The following PSMD11 variants were observed in gnomAD, a reference collection of about 807,000 sequenced individuals.
PSMD11 encodes 26S proteasome non-ATPase regulatory subunit 11.
A neutral mutation model predicts 62.3 loss-of-function variants in PSMD11; 5 were observed. That is an observed-to-expected ratio of 0.08 (90% CI 0.04 to 0.17). PSMD11 has a LOEUF of 0.17. Among genes scored for constraint, PSMD11 ranks in the 10% least tolerant of loss-of-function variants. The pLI is 1.00. For missense variants in PSMD11, 310 were observed against 512.9 expected, an observed-to-expected ratio of 0.60 and a Z score of 3.82; for synonymous variants, 191 against 191.8, an observed-to-expected ratio of 1.00 and a Z score of 0.03.
chr17:32,459,099 CAAAAAAA>C (rs1250016169), intron 3 of PSMD11, among the ~76,000 whole-genome samples: 3 of 61,226 alleles, frequency 4.9e-5, no homozygotes, highest in African/African-American at 1.8e-4. Context: ...GAGAGTGTCT[CAAAAAAA>C]AAAAAATACA....
At chr17:32,455,797 A>G (rs1907631790) in intron 3 of PSMD11, among the ~76,000 whole-genome samples, 1 of 152,198 alleles carries the variant, frequency 6.6e-6, no homozygotes, top group African/African-American at 2.4e-5. Context: ...GAAAAAATTA[A>G]AAGTTATTTA....
rs768709789 is a variant in PSMD11, at chr17:32,444,542, G to T, written c.19G>T (p.Val7Leu). ...CGGTAAGATGGCGGCGGCGGCGGTG[G>T]TGGAGTTCCAGAGAGCCCAGTCTCT... MAAAAV[V>L]EFQRAQSLLS... is the part of the protein sequence containing the mutation. The change falls in exon 1 of 14, where the codon GTG becomes TTG. Residue 7 changes from valine to leucine, a missense_variant. Physicochemically the swap from Val to Leu is conservative, Grantham distance 32 (BLOSUM62 1). Around this residue, in one of 6 missense-constraint regions of PSMD11, gnomAD observed 28 missense variants for 21.2 expected, o/e 1.32. Coordinates refer to ENST00000261712, the MANE Select transcript of PSMD11 (RefSeq NM_002815.4). 1.2e-6 allele frequency: 2 copies of T among 1,607,494 alleles called. No homozygotes were observed. The highest frequency in any genetic ancestry group is 3.4e-5 in the Admixed American group (2 of 59,388).
chr17:32,445,610 G>T (rs1353412712), intron 1 of PSMD11: 1 of 152,194 alleles, frequency 6.6e-6, no homozygotes, highest in Non-Finnish European at 1.5e-5. Context: ...TTAGGGCTTG[G>T]ACTAGCTCTT....
At chr17:32,475,733 G>A (rs1224329787) in intron 8 of PSMD11, among the ~76,000 whole-genome samples, 2 of 151,690 alleles carry the variant, frequency 1.3e-5, no homozygotes, top group Non-Finnish European at 2.9e-5. Flanking sequence ...CGAGTAGCTG[G>A]GATTACAGGC....
intron 3 of PSMD11, among the ~76,000 whole-genome samples, chr17:32,455,881 C>T (rs971544180): frequency 1.5e-4 from 23 of 152,166 alleles, no homozygotes; most frequent in Admixed American, 1.0e-3. Context: ...CGGTGGCTCA[C>T]GCCTGTAATC....
intron 2 of PSMD11, among the ~76,000 whole-genome samples, chr17:32,450,241 A>G (rs1329444872): frequency 2.0e-5 from 3 of 149,590 alleles, no homozygotes; most frequent in African/African-American, 7.4e-5. Context: ...GATTATAGGC[A>G]TGAGCCACTG....
intron 3 of PSMD11, among the ~76,000 whole-genome samples, chr17:32,455,031 C>T (rs1046917744): frequency 2.0e-5 from 3 of 152,166 alleles, no homozygotes; most frequent in Non-Finnish European, 4.4e-5. Context: ...GGGTGAGCAT[C>T]CATCCATTTG....
intron 3 of PSMD11, among the ~76,000 whole-genome samples, chr17:32,460,141 C>T (rs921568189): frequency 7.9e-5 from 12 of 152,092 alleles, no homozygotes; most frequent in African/African-American, 2.2e-4. Context: ...TCACTGTAAC[C>T]TTGAACATCT....
intron 6 of PSMD11, among the ~76,000 whole-genome samples, chr17:32,472,035 C>T (rs1359004661): frequency 4.6e-5 from 7 of 152,130 alleles, no homozygotes; most frequent in Non-Finnish European, 1.0e-4. Flanking sequence ...GCCACCACGC[C>T]TGGCTAATTT....
chr17:32,469,118 T>C lies in PSMD11; in HGVS notation c.568T>C (p.Leu190=). 6.2e-7 allele frequency: 1 copy of C among 1,614,164 alleles called. No homozygotes were observed. The highest frequency in any genetic ancestry group is 1.3e-5 in the African/African-American group (1 of 75,046). The change falls in exon 6 of 14, where the codon TTA becomes CTA. Residue 190 remains leucine (L), a synonymous_variant. Transcript: ENST00000261712. ...CAACCTGCCGAAAGCCCGAGCTGCC[T>C]TAACTTCTGCTCGAACCACAGCAAA... is the stretch of plus-strand genomic sequence containing the variant. The part of the protein sequence containing the change: ...LSNLPKARAA[L]TSARTTANAI...
intron 8 of PSMD11, among the ~76,000 whole-genome samples, chr17:32,475,375 T>C (rs1047166135): frequency 1.3e-5 from 2 of 151,614 alleles, no homozygotes; most frequent in African/African-American, 4.9e-5. Flanking sequence ...GGTATGAGTG[T>C]GACTTCTGAG....
intron 3 of PSMD11, among the ~76,000 whole-genome samples, chr17:32,461,170 C>A (rs1907829632): frequency 6.6e-6 from 1 of 151,926 alleles, no homozygotes; most frequent in Non-Finnish European, 1.5e-5. Context: ...TTCTGCCTCC[C>A]AGGTTCATGT....
chr17:32,474,561 A>T (rs184397311), intron 7 of PSMD11, among the ~76,000 whole-genome samples: 2 of 151,880 alleles, frequency 1.3e-5, no homozygotes, highest in East Asian at 3.9e-4. Context: ...GAGTTTTTCT[A>T]CTCTTCAGGC....
intron 8 of PSMD11, chr17:32,476,856 C>G (rs1302615809): frequency 3.3e-5 from 5 of 152,290 alleles, no homozygotes; most frequent in Non-Finnish European, 7.3e-5. Flanking sequence ...CCTCTGCCTC[C>G]TGGGTTCTAG....
intron 2 of PSMD11, among the ~76,000 whole-genome samples, chr17:32,452,147 T>A (rs1395647962): frequency 6.6e-6 from 1 of 152,216 alleles, no homozygotes; most frequent in Non-Finnish European, 1.5e-5. Flanking sequence ...TTCCACATTG[T>A]GTGTGACTGG....
intron 3 of PSMD11, among the ~76,000 whole-genome samples, chr17:32,457,551 G>T (rs987554909): frequency 1.2e-4 from 18 of 152,210 alleles, no homozygotes; most frequent in Non-Finnish European, 1.9e-4. Flanking sequence ...TGATTTTTTT[G>T]ATGGTTAGCA....
chr17:32,481,861 T>A lies in PSMD11; in HGVS notation c.*1109T>A, dbSNP rs1190227183. 2.6e-5 allele frequency: 4 copies of A among 152,136 alleles called. No individual in the cohort carries two copies. The South Asian group carries it at 8.3e-4, about 32-fold the overall frequency. 9.4% of individuals were successfully genotyped at this position (152,136 alleles called of 1,614,324 possible). On this transcript the variant is annotated 3_prime_UTR_variant, in exon 14 of 14. Coordinates refer to ENST00000261712, the MANE Select transcript of PSMD11 (RefSeq NM_002815.4). Reference sequence around the variant, plus strand: ...GTTTTTGAGCAACCTCATGTCCCCTTCCCAGGGAGCTTTTTAATTTACCTC... The same window carrying A: ...GTTTTTGAGCAACCTCATGTCCCCTACCCAGGGAGCTTTTTAATTTACCTC...
intron 6 of PSMD11, among the ~76,000 whole-genome samples, chr17:32,470,170 G>A (rs1908122746): frequency 6.6e-6 from 1 of 151,946 alleles, no homozygotes; most frequent in Non-Finnish European, 1.5e-5. Context: ...GCGACACCAT[G>A]CCAAGCTAAC....
In PSMD11 at chr17:32,479,863, T is replaced by C. The variant is rs780726423; in HGVS notation, c.1051T>C (p.Ser351Pro). Residue 351 changes from serine (S) to proline (P), a missense_variant, in exon 11 of 14, where the codon TCT becomes CCT. Transcript: ENST00000261712. ...PFSRVQIEHI[S>P]SLIKLSKADV... ...CCTTTCCTTTTAGATTGAACACATA[T>C]CTAGTCTCATCAAACTCTCCAAGGT... 5.6e-6 allele frequency: 9 copies of C among 1,613,632 alleles called. No homozygotes were observed. Among genetic ancestry groups the C allele is most frequent in the Non-Finnish European group, 7.6e-6 (9 of 1,179,686 alleles).
Sources: gnomAD v4.1 joint callset for allele counts (sites outside exome capture counted in the v4.1 genomes callset) on GRCh38, gnomAD v4.1.1 for gene constraint, gnomAD v4.1.1 regional missense constraint, MANE v1.5 for transcripts, NCBI Gene and HGNC (gene_info 2026-07-23, HGNC 2026-07-21) for gene names.